The following PTPRD variants were observed in gnomAD, a reference collection of about 807,000 sequenced individuals.
PTPRD encodes protein tyrosine phosphatase receptor type D.
A neutral mutation model predicts 214.5 loss-of-function variants in PTPRD; 34 were observed. The ratio of observed to expected loss-of-function variants is 0.16; its 90% confidence interval spans 0.12 to 0.21. PTPRD has a LOEUF of 0.21. Ranked by LOEUF, PTPRD falls within the 10% of genes least tolerant of loss-of-function variation. The probability of loss-of-function intolerance (pLI) is 1.00; values close to 1 mark genes in which losing one functional copy is unlikely to be tolerated. For synonymous variants in PTPRD, 1,128 were observed against 845.7 expected (o/e 1.33, Z -5.79); for missense variants, 2,545 against 2,398.7 (o/e 1.06, Z -1.27).
chr9:9,360,383 A>T (rs2055622235), intron 9 of PTPRD, among the ~76,000 whole-genome samples: 1 of 151,290 alleles, frequency 6.6e-6, no homozygotes, highest in South Asian at 2.1e-4. Context: ...TTTACCTTAG[A>T]CTTAGGCAAG....
chr9:10,108,760 C>A (rs145278321), intron 3 of PTPRD, among the ~76,000 whole-genome samples: 2 of 151,906 alleles, frequency 1.3e-5, no homozygotes, highest in African/African-American at 4.8e-5. Flanking sequence ...GGTATTTGCA[C>A]ACAAAGGGAT....
intron 9 of PTPRD, among the ~76,000 whole-genome samples, chr9:9,389,524 A>AT (rs1395164568): frequency 6.6e-6 from 1 of 152,138 alleles, no homozygotes; most frequent in Non-Finnish European, 1.5e-5. Context: ...AATAATAATA[A>AT]AAAAACATTA....
chr9:8,893,015 C>T (rs1023709656), intron 11 of PTPRD, among the ~76,000 whole-genome samples: 6 of 151,950 alleles, frequency 3.9e-5, no homozygotes, highest in African/African-American at 1.2e-4. Context: ...TATAGTGAGA[C>T]ATCAGGATAT....
At chr9:9,126,866 T>A (rs1230809649) in intron 10 of PTPRD, among the ~76,000 whole-genome samples, 2 of 152,208 alleles carry the variant, frequency 1.3e-5, no homozygotes, top group Non-Finnish European at 2.9e-5. Flanking sequence ...ATTCATGCAT[T>A]CACTCTTTAA....
chr9:9,327,131 T>A (rs529634831), intron 9 of PTPRD, among the ~76,000 whole-genome samples: 5 of 152,162 alleles, frequency 3.3e-5, no homozygotes, highest in Non-Finnish European at 7.4e-5. Context: ...AAATACTCCA[T>A]CTACTGAAAT....
intron 5 of PTPRD, among the ~76,000 whole-genome samples, chr9:9,925,568 T>C (rs1004953849): frequency 1.3e-5 from 2 of 152,050 alleles, no homozygotes; most frequent in East Asian, 3.8e-4. Flanking sequence ...TAATATTAAA[T>C]ATAGTGGTCT....
intron 8 of PTPRD, among the ~76,000 whole-genome samples, chr9:9,452,659 G>C (rs2145362340): frequency 6.6e-6 from 1 of 151,220 alleles, no homozygotes; most frequent in East Asian, 2.0e-4. Context: ...GAAAGGATTT[G>C]CTAAGGATTC....
chr9:9,700,177 A>G (rs1461895892), intron 7 of PTPRD, among the ~76,000 whole-genome samples: 1 of 152,144 alleles, frequency 6.6e-6, no homozygotes, highest in African/African-American at 2.4e-5. Flanking sequence ...TGTGAATATC[A>G]TCATTTTGTT....
intron 11 of PTPRD, among the ~76,000 whole-genome samples, chr9:8,998,108 A>C (rs1348690284): frequency 6.6e-6 from 1 of 152,134 alleles, no homozygotes; most frequent in Non-Finnish European, 1.5e-5. Context: ...CTGATGTACA[A>C]GCTGCAGCAT....
intron 3 of PTPRD, among the ~76,000 whole-genome samples, chr9:10,249,640 C>T (rs145883558): frequency 3.4e-4 from 52 of 152,114 alleles, no homozygotes; most frequent in African/African-American, 1.2e-3. Flanking sequence ...TGCATTTTTT[C>T]CAACACATTT....
chr9:10,025,547 C>T (rs1192096648), intron 4 of PTPRD, among the ~76,000 whole-genome samples: 1 of 152,158 alleles, frequency 6.6e-6, no homozygotes, highest in East Asian at 1.9e-4. Flanking sequence ...TAGGAGAATT[C>T]ACATTTCTTT....
chr9:9,900,433 G>T (rs1344189834), intron 5 of PTPRD, among the ~76,000 whole-genome samples: 1 of 152,102 alleles, frequency 6.6e-6, no homozygotes, highest in Non-Finnish European at 1.5e-5. Flanking sequence ...AGTGACCTTT[G>T]TTTCAGTTCC....
intron 4 of PTPRD, among the ~76,000 whole-genome samples, chr9:9,974,892 G>A (rs1480450118): frequency 6.6e-6 from 1 of 152,140 alleles, no homozygotes; most frequent in African/African-American, 2.4e-5. Context: ...AGTGGGAAAA[G>A]GGGAGAAAAT....
intron 5 of PTPRD, among the ~76,000 whole-genome samples, chr9:9,933,107 C>G (rs540569389): frequency 1.1e-4 from 16 of 152,108 alleles, no homozygotes; most frequent in Non-Finnish European, 5.9e-5. Flanking sequence ...CAACTGGTAC[C>G]AGCCGCTGCA....
chr9:9,622,517 C>G (rs560964846), intron 7 of PTPRD, among the ~76,000 whole-genome samples: 3 of 152,000 alleles, frequency 2.0e-5, no homozygotes, highest in African/African-American at 7.3e-5. Context: ...AAATGTTTGT[C>G]CACAAAATCT....
At chr9:9,101,432 T>A (rs775892403) in intron 10 of PTPRD, among the ~76,000 whole-genome samples, 2 of 152,190 alleles carry the variant, frequency 1.3e-5, no homozygotes, top group Non-Finnish European at 2.9e-5. Flanking sequence ...ATTAGCATCC[T>A]CACCTCCCAT....
chr9:9,287,522 G>C (rs569071568), intron 9 of PTPRD, among the ~76,000 whole-genome samples: 7 of 151,834 alleles, frequency 4.6e-5, no homozygotes, highest in Non-Finnish European at 1.0e-4. Flanking sequence ...TACTCAGTAC[G>C]TTATCATTTA....
chr9:8,571,174 G>T (rs778775456), intron 14 of PTPRD, among the ~76,000 whole-genome samples: 3 of 152,022 alleles, frequency 2.0e-5, no homozygotes, highest in Non-Finnish European at 4.4e-5. Context: ...GTTATGCTTT[G>T]TTGTCATTAG....
intron 2 of PTPRD, among the ~76,000 whole-genome samples, chr9:10,587,848 A>C (rs2132707927): frequency 6.6e-6 from 1 of 152,202 alleles, no homozygotes; most frequent in East Asian, 1.9e-4. Flanking sequence ...GTATAAACAC[A>C]GATGATGGAA....
Sources: allele counts gnomAD v4.1 joint callset (sites outside exome capture counted in the v4.1 genomes callset), GRCh38; gene constraint gnomAD v4.1.1; transcripts MANE v1.5; gene names NCBI Gene and HGNC (gene_info 2026-07-23, HGNC 2026-07-21).